SLC25A13: variants seen among roughly 807,000 people sequenced by gnomAD.
The protein encoded by SLC25A13 is electrogenic aspartate/glutamate antiporter SLC25A13, mitochondrial.
In SLC25A13, 70 loss-of-function variants were observed where a neutral mutation model predicts 85.5. The observed-to-expected ratio is 0.82, with a 90% CI of 0.68 to 1.00. The LOEUF (loss-of-function observed/expected upper bound fraction) is 1.00, where lower values mean the gene tolerates loss of function less well. Ranked by LOEUF, SLC25A13 falls within the 50% of genes least tolerant of loss-of-function variation. The pLI, the probability that SLC25A13 is intolerant of heterozygous loss-of-function variation, is 0.00. For missense variants in SLC25A13, 765 were observed against 819.8 expected, an observed-to-expected ratio of 0.93 and a Z score of 0.82; for synonymous variants, 259 against 288.7, an observed-to-expected ratio of 0.90 and a Z score of 1.04.
chr7:96,223,276 T>C (rs1796203411), intron 4 of SLC25A13, among the ~76,000 whole-genome samples: 1 of 152,210 alleles, frequency 6.6e-6, no homozygotes, highest in South Asian at 2.1e-4. Flanking sequence ...TACATTCAGG[T>C]ATTAAGGATA....
chr7:96,250,739 CAAA>C (rs57574466), intron 3 of SLC25A13, among the ~76,000 whole-genome samples: 1 of 118,364 alleles, frequency 8.4e-6, no homozygotes, highest in Non-Finnish European at 1.7e-5. Context: ...AGACCTGTTA[CAAA>C]AAAAAAAAAA....
intron 1 of SLC25A13, among the ~76,000 whole-genome samples, chr7:96,313,208 C>T (rs1344019971): frequency 6.6e-6 from 1 of 152,128 alleles, no homozygotes; most frequent in African/African-American, 2.4e-5. Context: ...AGCCAATACC[C>T]ATTAAGGGGG....
At chr7:96,201,247 T>A (rs1366846399) in intron 5 of SLC25A13, among the ~76,000 whole-genome samples, 1 of 152,074 alleles carries the variant, frequency 6.6e-6, no homozygotes, top group Non-Finnish European at 1.5e-5. Flanking sequence ...CGGTGGCTCA[T>A]GCCTGTAATC....
intron 13 of SLC25A13, among the ~76,000 whole-genome samples, chr7:96,156,935 G>A (rs960419389): frequency 6.6e-6 from 1 of 152,130 alleles, no homozygotes; most frequent in African/African-American, 2.4e-5. Context: ...TACTGATGTA[G>A]GTTTTGTCTA....
rs561726094 is a variant in SLC25A13 at position 96,131,942 on chromosome 7, C to G, written c.1453-61G>C. 3.5e-4 allele frequency: 567 copies of G among 1,609,910 alleles called. 3 individuals are homozygous for G. The South Asian group carries it at 6.0e-3, about 17-fold the overall frequency. On this transcript the variant is annotated intron_variant, in intron 14 of 17. Transcript: ENST00000265631. ...CACATATCCCATTGAGGAGATCAAG[C>G]TTCTCTGGAACTCACCTCAGAACAA... is the stretch of plus-strand genomic sequence containing the variant.
At chr7:96,232,828 C>T (rs979857358) in intron 4 of SLC25A13, among the ~76,000 whole-genome samples, 1 of 152,114 alleles carries the variant, frequency 6.6e-6, no homozygotes, top group Non-Finnish European at 1.5e-5. Flanking sequence ...AAATAAAGCT[C>T]AGAGGGTTGA....
intron 1 of SLC25A13, 24 bp downstream of exon 1, chr7:96,321,918 C>A: frequency 6.5e-7 from 1 of 1,529,148 alleles, no homozygotes; most frequent in Non-Finnish European, 8.8e-7. Context: ...GGCGCGCTCC[C>A]CCCGGCCTCG....
chr7:96,241,474 G>A (rs1796996275), intron 3 of SLC25A13, among the ~76,000 whole-genome samples: 1 of 152,186 alleles, frequency 6.6e-6, no homozygotes, highest in South Asian at 2.1e-4. Flanking sequence ...ACTAAAAAGT[G>A]TTATAAACAA....
At chr7:96,169,870 C>G in intron 13 of SLC25A13, 175 bp downstream of exon 13, 1 of 671,700 alleles carries the variant, frequency 1.5e-6, no homozygotes, top group South Asian at 1.8e-5. Context: ...AACATTTACC[C>G]TTCCACCTCT....
At chr7:96,192,977 GT>G in intron 6 of SLC25A13, 59 bp downstream of exon 6, 1 of 1,559,900 alleles carries the variant, frequency 6.4e-7, no homozygotes, top group Non-Finnish European at 8.8e-7. Context: ...TATAAGAATT[GT>G]TTTTATAATT....
intron 11 of SLC25A13, among the ~76,000 whole-genome samples, chr7:96,175,051 C>A (rs1031212176): frequency 6.6e-6 from 1 of 152,136 alleles, no homozygotes; most frequent in Non-Finnish European, 1.5e-5. Flanking sequence ...GGGGGACAAA[C>A]CACCTAACAA....
In SLC25A13 at chr7:96,191,941, T is replaced by C. The variant is rs1169693595; in HGVS notation, c.616-694A>G. 3.3e-5 allele frequency among the ~76,000 whole-genome samples: 5 copies of C among 152,102 alleles called. No individual in the cohort carries two copies. The East Asian group carries it at 9.6e-4, about 29-fold the overall frequency. ...ATGTCCATTATGAATGAGACTTCAG[T>C]TTGGAGTTTCAAATTCTATCCTTCC... On this transcript the variant is annotated intron_variant, in intron 6 of 17. Transcript: ENST00000265631.
At chr7:96,232,813 G>C (rs1366203237) in intron 4 of SLC25A13, among the ~76,000 whole-genome samples, 5 of 152,160 alleles carry the variant, frequency 3.3e-5, no homozygotes, top group Non-Finnish European at 1.5e-5. Flanking sequence ...TTTTAGAGAT[G>C]AGGAAAATAA....
intron 3 of SLC25A13, among the ~76,000 whole-genome samples, chr7:96,245,737 C>T (rs988946294): frequency 2.6e-5 from 4 of 152,122 alleles, no homozygotes; most frequent in Admixed American, 1.3e-4. Flanking sequence ...ACCATAAATA[C>T]CTCATTTTAA....
chr7:96,122,172 G>A (rs140284963), intron 15 of SLC25A13, among the ~76,000 whole-genome samples, 175 bp from the exon 16 acceptor site: 289 of 152,230 alleles, frequency 1.9e-3, no homozygotes, highest in African/African-American at 6.5e-3. Flanking sequence ...CAAGATGTCT[G>A]CTCCTACACC....
intron 13 of SLC25A13, chr7:96,166,955 A>T (rs1348516028): frequency 6.6e-6 from 1 of 152,204 alleles, no homozygotes; most frequent in Middle Eastern, 3.2e-3. Context: ...CCAAGTCTCC[A>T]TCAGAACTCC....
chr7:96,186,956 C>T (rs1200221919), intron 9 of SLC25A13, among the ~76,000 whole-genome samples: 1 of 152,144 alleles, frequency 6.6e-6, no homozygotes, highest in Non-Finnish European at 1.5e-5. Flanking sequence ...GTAGCTAAAA[C>T]TAGGTGGCTG....
At chr7:96,152,681 G>T (rs1429925747) in intron 13 of SLC25A13, among the ~76,000 whole-genome samples, 1 of 152,170 alleles carries the variant, frequency 6.6e-6, no homozygotes, top group African/African-American at 2.4e-5. Context: ...ACTGAAGGCA[G>T]GGGTTTAGAT....
At chr7:96,306,161 C>T (rs1799735470) in intron 1 of SLC25A13, among the ~76,000 whole-genome samples, 1 of 152,144 alleles carries the variant, frequency 6.6e-6, no homozygotes, top group Non-Finnish European at 1.5e-5. Context: ...GTGGCAGAGC[C>T]CTAATTTGAT....
Sources: allele counts gnomAD v4.1 joint callset (sites outside exome capture counted in the v4.1 genomes callset), GRCh38; gene constraint gnomAD v4.1.1; transcripts MANE v1.5; gene names NCBI Gene and HGNC (gene_info 2026-07-23, HGNC 2026-07-21).